The following UBE2H variants were observed in gnomAD, a reference collection of about 807,000 sequenced individuals.
UBE2H encodes the protein ubiquitin-conjugating enzyme E2 H.
UBE2H carries 3 observed loss-of-function variants against 29.0 expected under a neutral mutation model. That is an observed-to-expected ratio of 0.10 (90% CI 0.05 to 0.27). The LOEUF is 0.27. Among genes scored for constraint, UBE2H ranks in the 10% least tolerant of loss-of-function variants. The pLI is 1.00. For synonymous variants in UBE2H, 69 were observed against 82.9 expected (o/e 0.83, Z 0.91); for missense variants, 68 against 228.2 (o/e 0.30, Z 4.52).
In UBE2H at chr7:129,893,699, TAATA is replaced by T. The variant is rs1806545575; in HGVS notation, c.54-12732_54-12729del. Among the ~76,000 whole-genome samples, 5 of 152,378 alleles carry T rather than the reference TAATA, an allele frequency of 3.3e-5. No individual in the cohort carries two copies. The South Asian group carries it at 1.0e-3, about 32-fold the overall frequency. ...TATCGATGAAATATCAATAGCTCCT[TAATA>T]AACAAACTTGACTGCTTTGCTGTTT... On this transcript the variant is annotated intron_variant, in intron 1 of 6. Transcript: ENST00000355621.
At chr7:129,857,841 C>G (rs718926) in intron 4 of UBE2H, among the ~76,000 whole-genome samples, 9,421 of 152,214 alleles carry the variant, frequency 0.062, 363 homozygotes, top group Non-Finnish European at 0.091. Context: ...CCTTGTGTGT[C>G]TCTGAATGTG....
intron 1 of UBE2H, among the ~76,000 whole-genome samples, chr7:129,937,722 C>T (rs921471902): frequency 3.3e-5 from 5 of 152,276 alleles, no homozygotes; most frequent in Non-Finnish European, 5.9e-5. Context: ...TTTCCTTCTT[C>T]CAACCATAAA....
intron 1 of UBE2H, among the ~76,000 whole-genome samples, chr7:129,906,092 ATTTT>A (rs1226997036): frequency 6.6e-6 from 1 of 152,216 alleles, no homozygotes; most frequent in African/African-American, 2.4e-5. Context: ...GAGATATGGA[ATTTT>A]TATTCTAAAA....
intron 1 of UBE2H, among the ~76,000 whole-genome samples, chr7:129,944,082 C>T (rs1193378741): frequency 3.3e-5 from 5 of 152,104 alleles, no homozygotes; most frequent in African/African-American, 7.2e-5. Context: ...TGAGGCCAGG[C>T]GCTGTGGCTC....
intron 1 of UBE2H, among the ~76,000 whole-genome samples, chr7:129,894,483 C>CT (rs78614188): frequency 6.5e-4 from 64 of 99,126 alleles, no homozygotes; most frequent in African/African-American, 1.6e-3. Flanking sequence ...CTAATCCCAT[C>CT]TTTTTTTTTT....
At chr7:129,922,731 A>G (rs1807188405) in intron 1 of UBE2H, among the ~76,000 whole-genome samples, 2 of 152,284 alleles carry the variant, frequency 1.3e-5, no homozygotes, top group South Asian at 4.1e-4. Context: ...ATATTTATTT[A>G]TACTATTCTA....
intron 1 of UBE2H, among the ~76,000 whole-genome samples, chr7:129,922,016 C>CTT (rs1430217868): frequency 1.3e-5 from 2 of 151,800 alleles, no homozygotes; most frequent in Non-Finnish European, 2.9e-5. Flanking sequence ...GACAGTCTCA[C>CTT]TTTGTCACCC....
chr7:129,840,980 G>A (rs978717451), intron 5 of UBE2H, among the ~76,000 whole-genome samples: 2 of 152,104 alleles, frequency 1.3e-5, no homozygotes, highest in Non-Finnish European at 2.9e-5. Context: ...ATATCTAAGC[G>A]GTGCTACTGG....
intron 5 of UBE2H, chr7:129,839,641 A>AC (rs1196534093): frequency 1.4e-4 from 40 of 277,226 alleles, no homozygotes; most frequent in Non-Finnish European, 8.2e-5. Context: ...AGCTTACAAA[A>AC]CCCCCCACTC....
intron 1 of UBE2H, among the ~76,000 whole-genome samples, chr7:129,912,866 ATAAT>A (rs1214403767): frequency 6.6e-5 from 10 of 150,452 alleles, no homozygotes; most frequent in Admixed American, 2.0e-4. Context: ...CTCATTTTTA[ATAAT>A]TAATCACTAA....
At chr7:129,895,383 C>A (rs752339776) in intron 1 of UBE2H, among the ~76,000 whole-genome samples, 1 of 152,162 alleles carries the variant, frequency 6.6e-6, no homozygotes, top group Non-Finnish European at 1.5e-5. Flanking sequence ...AAAGGCAGAA[C>A]CTACCTAATC....
chr7:129,873,127 T>C (rs1377753638), intron 3 of UBE2H, among the ~76,000 whole-genome samples: 2 of 151,102 alleles, frequency 1.3e-5, no homozygotes, highest in African/African-American at 2.4e-5. Context: ...CACGCCATTC[T>C]CCTGCCTTAG....
At chr7:129,869,504 C>T (rs1430976129) in intron 3 of UBE2H, among the ~76,000 whole-genome samples, 1 of 152,146 alleles carries the variant, frequency 6.6e-6, no homozygotes, top group Non-Finnish European at 1.5e-5. Context: ...TGGCTTCTTA[C>T]TCAGCTTAAG....
chr7:129,945,656 G>A (rs1393226617), intron 1 of UBE2H, among the ~76,000 whole-genome samples: 3 of 151,848 alleles, frequency 2.0e-5, no homozygotes, highest in African/African-American at 7.3e-5. Context: ...TATGCACAAA[G>A]ATGTTAATTT....
chr7:129,939,684 G>A (rs376789711), intron 1 of UBE2H, among the ~76,000 whole-genome samples: 3 of 152,126 alleles, frequency 2.0e-5, no homozygotes, highest in African/African-American at 7.2e-5. Context: ...TCCAGGCTGG[G>A]CACGGTGGCT....
chr7:129,911,374 TA>T (rs72051594), intron 1 of UBE2H, among the ~76,000 whole-genome samples: 93,211 of 143,638 alleles, frequency 0.65, 30,525 homozygotes, highest in Middle Eastern at 0.78. Flanking sequence ...CCGTCTCAAT[TA>T]AAAAAAAAAA....
intron 1 of UBE2H, among the ~76,000 whole-genome samples, chr7:129,933,882 T>C (rs1038618238): frequency 6.6e-6 from 1 of 152,210 alleles, no homozygotes; most frequent in African/African-American, 2.4e-5. Context: ...CCAGATCCAC[T>C]GTGATAAGGA....
chr7:129,944,288 G>A (rs998644326), intron 1 of UBE2H, among the ~76,000 whole-genome samples: 7 of 152,168 alleles, frequency 4.6e-5, no homozygotes, highest in Middle Eastern at 3.4e-3. Flanking sequence ...CCCAGGAGGC[G>A]GAGCTGGCAG....
chr7:129,867,699 T>TAAAAA (rs59742626), intron 3 of UBE2H, among the ~76,000 whole-genome samples: 5 of 29,624 alleles, frequency 1.7e-4, no homozygotes, highest in East Asian at 1.1e-3. Context: ...TAGAGTATAA[T>TAAAAA]AAAAAAAAAA....
Sources: gnomAD v4.1 joint callset for allele counts (sites outside exome capture counted in the v4.1 genomes callset) on GRCh38, gnomAD v4.1.1 for gene constraint, MANE v1.5 for transcripts, NCBI Gene and HGNC (gene_info 2026-07-23, HGNC 2026-07-21) for gene names.